Variants in LIN52 observed in about 807,000 individuals in gnomAD.
The protein encoded by LIN52 is lin-52 DREAM MuvB core complex component, also known as protein lin-52 homolog.
A neutral mutation model predicts 18.5 loss-of-function variants in LIN52; 4 were observed. The observed-to-expected ratio is 0.22, with a 90% CI of 0.11 to 0.49. The LOEUF is 0.49. Ranked by LOEUF, LIN52 falls within the 20% of genes least tolerant of loss-of-function variation. The pLI is 0.97. For synonymous variants in LIN52, 34 were observed against 45.5 expected, an observed-to-expected ratio of 0.75 and a Z score of 1.02; for missense variants, 102 against 139.5, an observed-to-expected ratio of 0.73 and a Z score of 1.35.
intron 5 of LIN52, among the ~76,000 whole-genome samples, chr14:74,123,677 G>C (rs2061011784): frequency 6.6e-6 from 1 of 152,162 alleles, no homozygotes; most frequent in African/African-American, 2.4e-5. Flanking sequence ...AGTGATCCCT[G>C]CTACTAGTGT....
At chr14:74,128,625 A>G (rs1246736369) in intron 5 of LIN52, among the ~76,000 whole-genome samples, 1 of 152,226 alleles carries the variant, frequency 6.6e-6, no homozygotes, top group African/African-American at 2.4e-5. Context: ...TATGTGAATT[A>G]TATCTCAGTA....
intron 5 of LIN52, among the ~76,000 whole-genome samples, chr14:74,158,032 A>T (rs1249918706): frequency 6.6e-6 from 1 of 151,898 alleles, no homozygotes; most frequent in East Asian, 1.9e-4. Flanking sequence ...TTATAATTTA[A>T]CTTTGTTTGC....
At chr14:74,198,754 G>C (rs1018439531) in intron 5 of LIN52, among the ~76,000 whole-genome samples, 168 bp from the exon 6 acceptor site, 3 of 152,196 alleles carry the variant, frequency 2.0e-5, no homozygotes, top group African/African-American at 7.2e-5. Flanking sequence ...GTTGTCTATA[G>C]TGGTTTGTTT....
At chr14:74,164,116 G>C (rs2061238462) in intron 5 of LIN52, among the ~76,000 whole-genome samples, 1 of 151,954 alleles carries the variant, frequency 6.6e-6, no homozygotes, top group African/African-American at 2.4e-5. Flanking sequence ...GGAGTAGCTG[G>C]GACTACAGGT....
intron 5 of LIN52, among the ~76,000 whole-genome samples, chr14:74,115,346 C>T (rs543240466): frequency 3.5e-4 from 54 of 152,176 alleles, no homozygotes; most frequent in Middle Eastern, 6.8e-3. Flanking sequence ...ATTGTGAAGG[C>T]GAACTTTTTT....
At chr14:74,183,786 T>C (rs1333591954) in intron 5 of LIN52, among the ~76,000 whole-genome samples, 1 of 152,182 alleles carries the variant, frequency 6.6e-6, no homozygotes, top group African/African-American at 2.4e-5. Flanking sequence ...ACCATTTCAT[T>C]CATAAATACG....
At chr14:74,116,830 GTTTT>G (rs773924970) in intron 5 of LIN52, among the ~76,000 whole-genome samples, 1 of 140,180 alleles carries the variant, frequency 7.1e-6, no homozygotes, top group East Asian at 2.0e-4. Flanking sequence ...TACAGCAGGT[GTTTT>G]TTTTTTTTTT....
At chr14:74,189,343 C>A (rs1214409848) in intron 5 of LIN52, among the ~76,000 whole-genome samples, 1 of 152,170 alleles carries the variant, frequency 6.6e-6, no homozygotes, top group Non-Finnish European at 1.5e-5. Flanking sequence ...AATAAAAGTT[C>A]TAGCCCCCAG....
At chr14:74,122,178 T>C (rs761459297) in intron 5 of LIN52, among the ~76,000 whole-genome samples, 11 of 152,182 alleles carry the variant, frequency 7.2e-5, no homozygotes, top group Non-Finnish European at 1.5e-4. Flanking sequence ...ATTTAAAACT[T>C]ATGTTCAAAT....
chr14:74,088,828 A>G (rs1252880392), intron 1 of LIN52, among the ~76,000 whole-genome samples: 1 of 152,246 alleles, frequency 6.6e-6, no homozygotes, highest in Non-Finnish European at 1.5e-5. Flanking sequence ...GCAACTGGTT[A>G]GCATACTGAG....
At chr14:74,193,178 C>G (rs1478331583) in intron 5 of LIN52, among the ~76,000 whole-genome samples, 1 of 147,686 alleles carries the variant, frequency 6.8e-6, no homozygotes, top group Admixed American at 6.8e-5. Context: ...TTTGCCTCAT[C>G]ATTTAATAAA....
At chr14:74,194,257 T>C (rs1402310148) in intron 5 of LIN52, among the ~76,000 whole-genome samples, 1 of 152,176 alleles carries the variant, frequency 6.6e-6, no homozygotes, top group Non-Finnish European at 1.5e-5. Context: ...ACTGAATCTT[T>C]TTCAACCAGC....
In LIN52 at chr14:74,097,847, C is replaced by A; in HGVS notation, c.186C>A (p.Ile62=). ...KWMAEIERDD[I]DMLKELGSLT... is the part of the protein sequence containing the mutation. The stretch of plus-strand genomic sequence containing the variant: ...TGGCTGAGATAGAACGTGATGACAT[C>A]GACATGTTGAAAGGTAAGTGATGCT... The change falls in exon 4 of 6, where the codon ATC becomes ATA. Residue 62 remains isoleucine, a synonymous_variant. Transcript: ENST00000555028. The A allele has an allele frequency of 6.2e-7, 1 of 1,612,340 alleles. No homozygotes were observed. The highest frequency in any genetic ancestry group is 8.5e-7 in the Non-Finnish European group (1 of 1,178,430).
At chr14:74,124,615 A>AGCCTGGGCAACATGATGAAACCC (rs2061017559) in intron 5 of LIN52, among the ~76,000 whole-genome samples, 2 of 152,042 alleles carry the variant, frequency 1.3e-5, no homozygotes, top group African/African-American at 4.8e-5. Context: ...GTTTGAGACC[A>AGCCTGGGCAACATGATGAAACCC]GCCTGGGCAA....
intron 5 of LIN52, among the ~76,000 whole-genome samples, chr14:74,189,509 C>T (rs990566499): frequency 3.3e-5 from 5 of 152,180 alleles, no homozygotes; most frequent in African/African-American, 1.2e-4. Context: ...TTCTCGAACA[C>T]AGATCTTTGG....
At chr14:74,103,024 C>G (rs574834799) in intron 5 of LIN52, among the ~76,000 whole-genome samples, 7 of 152,094 alleles carry the variant, frequency 4.6e-5, no homozygotes, top group Non-Finnish European at 1.0e-4. Context: ...ACCCCATTGC[C>G]GAGTAACTTT....
At chr14:74,137,498 C>CTTTTTTTCTTTT (rs2061104642) in intron 5 of LIN52, among the ~76,000 whole-genome samples, 1 of 111,624 alleles carries the variant, frequency 9.0e-6, no homozygotes, top group South Asian at 2.8e-4. Context: ...CAGCAGCTCT[C>CTTTTTTTCTTTT]TTTTTTTTTT....
intron 5 of LIN52, among the ~76,000 whole-genome samples, chr14:74,168,480 A>G (rs1391231869): frequency 6.6e-6 from 1 of 151,798 alleles, no homozygotes; most frequent in Non-Finnish European, 1.5e-5. Context: ...CATCCTGGCT[A>G]ACATGGTGAA....
At chr14:74,177,411 G>A (rs185744153) in intron 5 of LIN52, among the ~76,000 whole-genome samples, 16 of 152,256 alleles carry the variant, frequency 1.1e-4, no homozygotes, top group East Asian at 3.9e-4. Flanking sequence ...TATGCCATAA[G>A]ATATGCATCA....
Sources: allele counts gnomAD v4.1 joint callset (sites outside exome capture counted in the v4.1 genomes callset), GRCh38; gene constraint gnomAD v4.1.1; transcripts MANE v1.5; gene names NCBI Gene and HGNC (gene_info 2026-07-23, HGNC 2026-07-21).